ODAD1: variants seen among roughly 807,000 people sequenced by gnomAD.
The protein encoded by ODAD1 is outer dynein arm-docking complex subunit 1.
ODAD1 carries 49 observed loss-of-function variants against 67.2 expected under a neutral mutation model. The observed-to-expected ratio is 0.73, with a 90% CI of 0.58 to 0.92. ODAD1 has a LOEUF of 0.92. ODAD1 is among the 40% of genes least tolerant of loss of function. The probability of loss-of-function intolerance (pLI) is 0.00; values close to 1 mark genes in which losing one functional copy is unlikely to be tolerated. For synonymous variants in ODAD1, 345 were observed against 393.7 expected, an observed-to-expected ratio of 0.88 and a Z score of 1.46; for missense variants, 897 against 953.7, an observed-to-expected ratio of 0.94 and a Z score of 0.78.
Position 48,304,137 on chromosome 19 carries a change from C to A in ODAD1, c.669G>T (p.Glu223Asp). The A allele has an allele frequency of 6.2e-7, 1 of 1,605,542 alleles. No individual in the cohort carries two copies. The highest frequency in any genetic ancestry group is 1.7e-5 in the Admixed American group (1 of 59,840). ...LSSTSAYAVR[E>D]EAKAKMGLLR... Reference sequence around the variant, plus strand: ...GCAAGCCCATCTTGGCCTTCGCCTCCTCCCTGCGGGGGTCAGCCGGGGTCA... The same window carrying A: ...GCAAGCCCATCTTGGCCTTCGCCTCATCCCTGCGGGGGTCAGCCGGGGTCA... Residue 223 changes from glutamate to aspartate, a missense_variant, in exon 9 of 16, where the codon GAG becomes GAT. Transcript: ENST00000674294.
At chr19:48,316,058 G>C (rs976375578) in intron 5 of ODAD1, among the ~76,000 whole-genome samples, 13 of 152,102 alleles carry the variant, frequency 8.5e-5, no homozygotes, top group African/African-American at 3.1e-4. Flanking sequence ...GAATCATATT[G>C]TCAAGTATAC....
intron 5 of ODAD1, among the ~76,000 whole-genome samples, chr19:48,313,762 T>C (rs560843020): frequency 1.3e-3 from 192 of 152,134 alleles, no homozygotes; most frequent in Non-Finnish European, 2.5e-3. Flanking sequence ...TGCACACCTG[T>C]AGTCCTAGCT....
rs1424324966 is a variant in ODAD1, at chr19:48,298,089, G to A, written c.1413C>T (p.Thr471=). 1 of 1,613,272 alleles carries A rather than the reference G, an allele frequency of 6.2e-7. No individual in the cohort carries two copies. ...CTAGGAGGGCAGCGTCGGCCAGGGA[G>A]GTGAAGCTCTGGAGAGTGTGGGAGC... The part of the protein sequence containing the change: ...VQAFLHAQSF[T]SLADAALLVL... The change falls in exon 14 of 16, where the codon ACC becomes ACT. Residue 471 remains threonine, a synonymous_variant. Coordinates refer to ENST00000674294, the MANE Select transcript of ODAD1 (RefSeq NM_001364171.2).
Position 48,297,130 on chromosome 19 carries a change from CT to C in ODAD1, c.1969del (p.Arg657GlyfsTer127), listed in dbSNP as rs2147307305. On this transcript the variant is annotated frameshift_variant, in exon 16 of 16. Coordinates refer to ENST00000674294, the MANE Select transcript of ODAD1 (RefSeq NM_001364171.2). LOFTEE classifies it low-confidence loss of function (END_TRUNC). Reference sequence around the variant, plus strand: ...ACCACCCTCTGTGTTTTCTCCGCCCCTGCTGGACCCCACGTATCCAGTGGAG... The same window carrying C: ...ACCACCCTCTGTGTTTTCTCCGCCCCGCTGGACCCCACGTATCCAGTGGAG... ...LGSTGYVGSS[R>X]GGENTEGGVE... 1.2e-6 allele frequency: 2 copies of C among 1,614,116 alleles called. No individual in the cohort carries two copies. The highest frequency in any genetic ancestry group is 2.2e-5 in the East Asian group (1 of 44,876).
chr19:48,315,124 C>T (rs555460739), intron 5 of ODAD1, among the ~76,000 whole-genome samples: 4 of 151,448 alleles, frequency 2.6e-5, no homozygotes, highest in East Asian at 2.0e-4. Context: ...TCACCCAGGC[C>T]GAGTGCAGTG....
chr19:48,313,358 G>A (rs1600870497), intron 5 of ODAD1, among the ~76,000 whole-genome samples: 1 of 146,538 alleles, frequency 6.8e-6, no homozygotes, highest in African/African-American at 2.5e-5. Flanking sequence ...AACCCAGGAG[G>A]AGAGGTTGCA....
At chr19:48,318,299 C>T (rs1327230096) in intron 5 of ODAD1, 88 bp downstream of exon 5, 3 of 1,192,786 alleles carry the variant, frequency 2.5e-6, no homozygotes, top group South Asian at 2.9e-5. Context: ...GCCTAATAGC[C>T]CCAATTTCAC....
intron 7 of ODAD1, among the ~76,000 whole-genome samples, chr19:48,310,106 T>C (rs1968716868): frequency 6.6e-6 from 1 of 152,020 alleles, no homozygotes; most frequent in Non-Finnish European, 1.5e-5. Context: ...TGGTGGTGCA[T>C]GCCTGTAATC....
intron 10 of ODAD1, chr19:48,303,370 A>C (rs1455855390): frequency 1.6e-6 from 1 of 607,028 alleles, no homozygotes; most frequent in Non-Finnish European, 2.9e-6. Flanking sequence ...AGGCGGGGAG[A>C]ACGGTAGATA....
intron 8 of ODAD1, 42 bp from the exon 9 acceptor site, chr19:48,304,182 T>C: frequency 6.6e-7 from 1 of 1,524,438 alleles, no homozygotes. Context: ...GAGGCTGGAC[T>C]GGGGTCGGCC....
chr19:48,321,318 G>T (rs1317244131), intron 1 of ODAD1, among the ~76,000 whole-genome samples: 1 of 152,262 alleles, frequency 6.6e-6, no homozygotes, highest in African/African-American at 2.4e-5. Context: ...CTGTGGAGCG[G>T]TGCTGCGGAG....
At chr19:48,298,368 G>T (rs954925130) in intron 12 of ODAD1, 28 bp from the exon 13 acceptor site, 10 of 1,611,480 alleles carry the variant, frequency 6.2e-6, no homozygotes, top group Non-Finnish European at 8.5e-6. Context: ...GGTTGTCAGG[G>T]ATCTGGCACC....
chr19:48,311,765 C>T (rs929761227), intron 6 of ODAD1, 99 bp from the exon 7 acceptor site: 8 of 851,926 alleles, frequency 9.4e-6, no homozygotes, highest in Middle Eastern at 2.2e-4. Flanking sequence ...GAGGTTGGGC[C>T]GGCCTGTTTC....
At chr19:48,302,447 T>G (rs1334653404) in intron 12 of ODAD1, among the ~76,000 whole-genome samples, 2 of 151,506 alleles carry the variant, frequency 1.3e-5, no homozygotes, top group African/African-American at 4.9e-5. Flanking sequence ...CCTAGATGGA[T>G]GGATGGATGC....
intron 8 of ODAD1, 69 bp downstream of exon 8, chr19:48,306,187 A>C (rs1189987851): frequency 9.7e-6 from 15 of 1,545,434 alleles, no homozygotes; most frequent in Non-Finnish European, 1.3e-5. Context: ...CCTTCCCATC[A>C]CTGCCTTATG....
intron 14 of ODAD1, 98 bp downstream of exon 14, chr19:48,297,902 C>T: frequency 9.9e-7 from 1 of 1,008,928 alleles, no homozygotes; most frequent in Non-Finnish European, 1.5e-6. Flanking sequence ...ATCCGCCAGC[C>T]AGTCCCCAAA....
chr19:48,318,677 C>T, intron 4 of ODAD1, 36 bp downstream of exon 4: 1 of 1,535,848 alleles, frequency 6.5e-7, no homozygotes, highest in Admixed American at 2.0e-5. Context: ...CTCTGACCCC[C>T]TCCTCCCCAG....
At chr19:48,302,509 T>C (rs1968492288) in intron 12 of ODAD1, among the ~76,000 whole-genome samples, 185 bp downstream of exon 12, 1 of 151,832 alleles carries the variant, frequency 6.6e-6, no homozygotes, top group Admixed American at 6.6e-5. Flanking sequence ...GGACAGATGA[T>C]GGATGGATAG....
chr19:48,306,588 TGGAGGAGATGG>T (rs1247758906), intron 7 of ODAD1, among the ~76,000 whole-genome samples: 1 of 151,862 alleles, frequency 6.6e-6, no homozygotes, highest in African/African-American at 2.4e-5. Context: ...GGAAATGAGG[TGGAGGAGATGG>T]AGAGGAAATG....
Sources: gnomAD v4.1 joint callset for allele counts (sites outside exome capture counted in the v4.1 genomes callset) on GRCh38, gnomAD v4.1.1 for gene constraint, MANE v1.5 for transcripts, NCBI Gene and HGNC (gene_info 2026-07-23, HGNC 2026-07-21) for gene names.